The following PRKAG2 variants were observed in gnomAD, a reference collection of about 807,000 sequenced individuals.
PRKAG2 encodes 5'-AMP-activated protein kinase subunit gamma-2.
Under a neutral mutation model 69.6 loss-of-function variants are expected in PRKAG2, and 26 were observed. The ratio of observed to expected loss-of-function variants is 0.37; its 90% CI spans 0.27 to 0.52. The LOEUF (loss-of-function observed/expected upper bound fraction) is 0.52. Among genes scored for constraint, PRKAG2 ranks in the 20% least tolerant of loss-of-function variants. The pLI, the probability that PRKAG2 is intolerant of heterozygous loss-of-function variation, is 0.90. For missense variants in PRKAG2, 557 were observed against 740.0 expected (o/e 0.75, Z 2.87); for synonymous variants, 293 against 285.0 (o/e 1.03, Z -0.28).
At chr7:151,589,171 T>G (rs929848138) in intron 6 of PRKAG2, among the ~76,000 whole-genome samples, 4 of 152,212 alleles carry the variant, frequency 2.6e-5, no homozygotes, top group African/African-American at 9.6e-5. Context: ...TCCCGTGAGC[T>G]CCACCCAGGC....
chr7:151,786,967 C>T (rs894128416), intron 1 of PRKAG2, among the ~76,000 whole-genome samples: 1 of 152,174 alleles, frequency 6.6e-6, no homozygotes, highest in Non-Finnish European at 1.5e-5. Context: ...GGGAGGGTGA[C>T]ACTGGGGTGG....
chr7:151,712,226 A>G (rs7778862), intron 3 of PRKAG2, among the ~76,000 whole-genome samples: 5,679 of 152,214 alleles, frequency 0.037, 365 homozygotes, highest in African/African-American at 0.13. Flanking sequence ...GAGAGCTCTG[A>G]GGAGTGTGAA....
chr7:151,559,624 T>A, intron 15 of PRKAG2: 3 of 985,282 alleles, frequency 3.0e-6, no homozygotes, highest in Non-Finnish European at 3.6e-6. Context: ...TGAAGATTCC[T>A]TTAGGGTAGG....
chr7:151,848,130 G>C (rs933752426), intron 1 of PRKAG2, among the ~76,000 whole-genome samples: 4 of 152,182 alleles, frequency 2.6e-5, no homozygotes, highest in Non-Finnish European at 4.4e-5. Context: ...GAAACCTTTG[G>C]ATAAATACTG....
At chr7:151,746,768 G>C (rs2074307562) in intron 3 of PRKAG2, among the ~76,000 whole-genome samples, 1 of 152,152 alleles carries the variant, frequency 6.6e-6, no homozygotes, top group Non-Finnish European at 1.5e-5. Flanking sequence ...AGCCTGGGGA[G>C]AGAGCGCTGG....
At chr7:151,573,900 T>C (rs2151030292) in intron 8 of PRKAG2, among the ~76,000 whole-genome samples, 1 of 152,224 alleles carries the variant, frequency 6.6e-6, no homozygotes, top group East Asian at 1.9e-4. Context: ...TGCCTCAGCC[T>C]CCTGAGTAGC....
chr7:151,594,028 C>T (rs757840842), intron 6 of PRKAG2, among the ~76,000 whole-genome samples: 1 of 152,174 alleles, frequency 6.6e-6, no homozygotes, highest in Non-Finnish European at 1.5e-5. Context: ...CAGAAGCAGG[C>T]CACACCTGGG....
intron 3 of PRKAG2, among the ~76,000 whole-genome samples, chr7:151,768,611 C>A (rs374232195): frequency 1.1e-4 from 17 of 152,296 alleles, no homozygotes; most frequent in African/African-American, 4.1e-4. Flanking sequence ...GGATTACAGG[C>A]ACATGCCATC....
chr7:151,808,409 AG>A (rs1219344373), intron 1 of PRKAG2, among the ~76,000 whole-genome samples: 4 of 152,174 alleles, frequency 2.6e-5, no homozygotes, highest in African/African-American at 7.2e-5. Context: ...GTTGGACTGT[AG>A]GCAAGAAGGC....
chr7:151,709,925 G>C (rs1839296442), intron 3 of PRKAG2, among the ~76,000 whole-genome samples: 1 of 152,188 alleles, frequency 6.6e-6, no homozygotes, highest in African/African-American at 2.4e-5. Context: ...TTGTGACACT[G>C]AGTGACGTGT....
At chr7:151,811,609 G>C (rs552261473) in intron 1 of PRKAG2, among the ~76,000 whole-genome samples, 1 of 152,266 alleles carries the variant, frequency 6.6e-6, no homozygotes, top group African/African-American at 2.4e-5. Flanking sequence ...CCAATGAAAG[G>C]CTTGGCTGGA....
intron 1 of PRKAG2, among the ~76,000 whole-genome samples, chr7:151,846,599 A>T (rs562377413): frequency 1.3e-5 from 2 of 152,344 alleles, no homozygotes; most frequent in African/African-American, 4.8e-5. Flanking sequence ...GGACACCGTA[A>T]CTTAGGACGC....
intron 10 of PRKAG2, 61 bp downstream of exon 10, chr7:151,570,110 C>G: frequency 6.5e-7 from 1 of 1,541,320 alleles, no homozygotes; most frequent in Non-Finnish European, 8.8e-7. Flanking sequence ...TTCTTTCTAT[C>G]ATGGTGATAA....
chr7:151,714,734 G>A (rs1375520642), intron 3 of PRKAG2, among the ~76,000 whole-genome samples: 1 of 152,062 alleles, frequency 6.6e-6, no homozygotes, highest in East Asian at 2.0e-4. Context: ...TGGATCACCT[G>A]AGGTTGGGAG....
chr7:151,752,466 C>T (rs556692562), intron 3 of PRKAG2, among the ~76,000 whole-genome samples: 5 of 152,270 alleles, frequency 3.3e-5, no homozygotes, highest in East Asian at 1.9e-4. Context: ...GAGCCTAATA[C>T]ATGATGAAAT....
intron 6 of PRKAG2, among the ~76,000 whole-genome samples, chr7:151,590,508 T>C (rs11983751): frequency 0.19 from 29,006 of 152,150 alleles, 3,369 homozygotes; most frequent in African/African-American, 0.32. Flanking sequence ...GATTCCAGAT[T>C]CGGGAGTTCC....
intron 3 of PRKAG2, among the ~76,000 whole-genome samples, chr7:151,724,346 C>T (rs1797587049): frequency 6.6e-6 from 1 of 152,172 alleles, no homozygotes; most frequent in African/African-American, 2.4e-5. Context: ...AGCTCCCAGC[C>T]CCTTTGTCAT....
chr7:151,715,424 T>C (rs961057518), intron 3 of PRKAG2, among the ~76,000 whole-genome samples: 4 of 151,222 alleles, frequency 2.6e-5, no homozygotes, highest in African/African-American at 9.7e-5. Context: ...CTCAGCTCAC[T>C]GCAACCTCCA....
chr7:151,764,000 C>T (rs535500237), intron 3 of PRKAG2, among the ~76,000 whole-genome samples: 1 of 152,362 alleles, frequency 6.6e-6, no homozygotes, highest in South Asian at 2.1e-4. Context: ...CAAAGGCACA[C>T]TCCAGGTGGA....
Sources: allele counts gnomAD v4.1 joint callset (sites outside exome capture counted in the v4.1 genomes callset), GRCh38; gene constraint gnomAD v4.1.1; transcripts MANE v1.5; gene names NCBI Gene and HGNC (gene_info 2026-07-23, HGNC 2026-07-21).